HECW2: variants seen among roughly 807,000 people sequenced by gnomAD.
HECW2 encodes HECT, C2 and WW domain containing E3 ubiquitin protein ligase 2.
A neutral mutation model predicts 175.2 loss-of-function variants in HECW2; 61 were observed. The observed-to-expected ratio is 0.35, with a 90% CI of 0.28 to 0.43. The LOEUF (loss-of-function observed/expected upper bound fraction) is 0.43, where lower values mean the gene tolerates loss of function less well. Among genes scored for constraint, HECW2 ranks in the 20% least tolerant of loss-of-function variants. HECW2 has a pLI of 1.00. For missense variants in HECW2, 1,524 were observed against 2,000.5 expected, an observed-to-expected ratio of 0.76 and a Z score of 4.54; for synonymous variants, 671 against 731.0, an observed-to-expected ratio of 0.92 and a Z score of 1.32.
chr2:196,283,821 T>G (rs1160583092), intron 14 of HECW2, among the ~76,000 whole-genome samples: 1 of 152,190 alleles, frequency 6.6e-6, no homozygotes, highest in Non-Finnish European at 1.5e-5. Flanking sequence ...ACCACCATTA[T>G]ATGTAGGGAT....
At chr2:196,541,018 ATAC>A (rs1689193905) in intron 1 of HECW2, among the ~76,000 whole-genome samples, 1 of 152,176 alleles carries the variant, frequency 6.6e-6, no homozygotes. Context: ...CAGTATCTTT[ATAC>A]TACAGATTCC....
chr2:196,469,359 T>C (rs1028262115), intron 1 of HECW2, among the ~76,000 whole-genome samples: 34 of 152,010 alleles, frequency 2.2e-4, no homozygotes, highest in African/African-American at 8.2e-4. Flanking sequence ...GGGACAACTG[T>C]CTCACCACTT....
At chr2:196,413,347 C>A (rs182917622) in intron 2 of HECW2, among the ~76,000 whole-genome samples, 2 of 151,704 alleles carry the variant, frequency 1.3e-5, no homozygotes, top group Non-Finnish European at 1.5e-5. Context: ...AGAGCAAGAC[C>A]CTGTCTTTTT....
intron 1 of HECW2, among the ~76,000 whole-genome samples, chr2:196,520,267 CAA>C (rs35560202): frequency 0.062 from 8,746 of 141,296 alleles, 843 homozygotes; most frequent in African/African-American, 0.2. Context: ...AAATTATTAC[CAA>C]AAAAAAAAAA....
At chr2:196,204,110 T>G (rs1686974593) in intron 28 of HECW2, among the ~76,000 whole-genome samples, 1 of 152,242 alleles carries the variant, frequency 6.6e-6, no homozygotes, top group Admixed American at 6.5e-5. Flanking sequence ...CATCCATTAA[T>G]GAACAGGAGT....
intron 1 of HECW2, among the ~76,000 whole-genome samples, chr2:196,471,636 T>A (rs1697201102): frequency 6.6e-6 from 1 of 152,122 alleles, no homozygotes; most frequent in Non-Finnish European, 1.5e-5. Context: ...TAGGCAGCCA[T>A]ATAAAAGAAT....
chr2:196,484,418 C>G (rs1005352547), intron 1 of HECW2, among the ~76,000 whole-genome samples: 2 of 152,190 alleles, frequency 1.3e-5, no homozygotes, highest in Non-Finnish European at 2.9e-5. Context: ...CTCACAATCT[C>G]TCTCAGGTTG....
At chr2:196,484,747 A>G (rs1003805180) in intron 1 of HECW2, among the ~76,000 whole-genome samples, 2 of 151,734 alleles carry the variant, frequency 1.3e-5, no homozygotes, top group African/African-American at 4.8e-5. Flanking sequence ...GCCCTCCCCA[A>G]CCCCGGGGAG....
At chr2:196,358,046 T>A (rs753159095) in intron 2 of HECW2, among the ~76,000 whole-genome samples, 2 of 152,222 alleles carry the variant, frequency 1.3e-5, no homozygotes, top group Non-Finnish European at 2.9e-5. Flanking sequence ...TTACACCACT[T>A]GATACTCATA....
intron 1 of HECW2, among the ~76,000 whole-genome samples, chr2:196,490,864 T>C (rs1490829016): frequency 3.3e-5 from 5 of 152,118 alleles, no homozygotes; most frequent in African/African-American, 4.8e-5. Flanking sequence ...CAAAATACCA[T>C]ATATTGTATG....
At chr2:196,427,508 C>T (rs1278631764) in intron 2 of HECW2, among the ~76,000 whole-genome samples, 1 of 152,074 alleles carries the variant, frequency 6.6e-6, no homozygotes, top group Non-Finnish European at 1.5e-5. Context: ...TCATCTACAT[C>T]CTCTTTAAAC....
intron 1 of HECW2, among the ~76,000 whole-genome samples, chr2:196,576,813 T>A (rs1470092117): frequency 6.6e-6 from 1 of 152,178 alleles, no homozygotes; most frequent in Non-Finnish European, 1.5e-5. Context: ...ATTATACACA[T>A]TATAAATATA....
At chr2:196,430,576 T>C (rs1024005252) in intron 2 of HECW2, among the ~76,000 whole-genome samples, 8 of 151,972 alleles carry the variant, frequency 5.3e-5, no homozygotes, top group African/African-American at 1.9e-4. Context: ...AGAAATCTCA[T>C]AAGAGAAATG....
intron 1 of HECW2, among the ~76,000 whole-genome samples, chr2:196,542,530 T>A (rs183106421): frequency 1.5e-3 from 223 of 152,174 alleles, no homozygotes; most frequent in Non-Finnish European, 1.9e-3. Flanking sequence ...AAAAGTAACA[T>A]ATGCACATGG....
At chr2:196,268,220 G>A (rs1689590161) in intron 17 of HECW2, among the ~76,000 whole-genome samples, 2 of 152,208 alleles carry the variant, frequency 1.3e-5, no homozygotes, top group African/African-American at 4.8e-5. Flanking sequence ...CACACACTCT[G>A]GATAGGAGGA....
At chr2:196,334,568 G>T in intron 3 of HECW2, 50 bp from the exon 4 acceptor site, 2 of 1,415,908 alleles carry the variant, frequency 1.4e-6, no homozygotes, top group Non-Finnish European at 2.0e-6. Context: ...AACAAGTCAT[G>T]GAGGAATCAG....
chr2:196,400,647 A>G (rs1002641410), intron 2 of HECW2, among the ~76,000 whole-genome samples: 1 of 152,294 alleles, frequency 6.6e-6, no homozygotes, highest in Non-Finnish European at 1.5e-5. Context: ...AATCCCAGTC[A>G]CAGCTGGTTT....
At chr2:196,236,617 C>T (rs1688262361) in intron 21 of HECW2, among the ~76,000 whole-genome samples, 1 of 152,218 alleles carries the variant, frequency 6.6e-6, no homozygotes, top group African/African-American at 2.4e-5. Context: ...TTGGCTATGA[C>T]AGTTTCTCAG....
chr2:196,504,947 A>C (rs1163340754), intron 1 of HECW2, among the ~76,000 whole-genome samples: 3 of 152,180 alleles, frequency 2.0e-5, no homozygotes, highest in African/African-American at 7.2e-5. Flanking sequence ...TGCTAAAAAT[A>C]TCTCTGACCA....
Sources: allele counts gnomAD v4.1 joint callset (sites outside exome capture counted in the v4.1 genomes callset), GRCh38; gene constraint gnomAD v4.1.1; transcripts MANE v1.5; gene names NCBI Gene and HGNC (gene_info 2026-07-23, HGNC 2026-07-21).